TCEA1: variants seen among roughly 807,000 people sequenced by gnomAD.
TCEA1 encodes the protein transcription elongation factor A1.
In TCEA1, 21 loss-of-function variants were observed where a neutral mutation model predicts 43.8. That is an observed-to-expected ratio of 0.48 (90% CI 0.34 to 0.69). The LOEUF is 0.69. Among genes scored for constraint, TCEA1 ranks in the 30% least tolerant of loss-of-function variants. TCEA1 has a pLI of 0.01. For missense variants in TCEA1, 250 were observed against 365.1 expected, an observed-to-expected ratio of 0.68 and a Z score of 2.57; for synonymous variants, 104 against 117.5, an observed-to-expected ratio of 0.88 and a Z score of 0.75.
chr8:54,018,445 C>A (rs1244368836), intron 1 of TCEA1, among the ~76,000 whole-genome samples: 2 of 152,172 alleles, frequency 1.3e-5, no homozygotes, highest in African/African-American at 4.8e-5. Flanking sequence ...ACACTAGAAG[C>A]ATTTTATATT....
chr8:54,007,966 G>A (rs1169350220), intron 2 of TCEA1, among the ~76,000 whole-genome samples: 3 of 151,686 alleles, frequency 2.0e-5, no homozygotes, highest in Non-Finnish European at 4.4e-5. Context: ...TGGATCACCC[G>A]AGGTCAGGAG....
Position 54,010,512 on chromosome 8 carries a change from C to T in TCEA1, c.64-20G>A, listed in dbSNP as rs770564233. 3 of 1,559,726 alleles carry T rather than the reference C, an allele frequency of 1.9e-6. No homozygotes were observed. In the South Asian group the frequency reaches 3.6e-5, roughly 19 times the overall value. On this transcript the variant is annotated intron_variant, in intron 1 of 9. Transcript: ENST00000521604. The stretch of plus-strand genomic sequence containing the variant: ...TCCAGCCTATAAAATAAAATAATTT[C>T]ATATTGAATTCCCAAGATGGTAAAA...
intron 4 of TCEA1, among the ~76,000 whole-genome samples, chr8:53,989,791 A>G (rs1412164364): frequency 1.3e-5 from 2 of 152,138 alleles, no homozygotes; most frequent in South Asian, 2.1e-4. Context: ...ACTGAGCAAG[A>G]CTTTTCACAG....
At chr8:53,970,239 A>G (rs1460345211) in intron 9 of TCEA1, 153 bp downstream of exon 9, 2 of 712,512 alleles carry the variant, frequency 2.8e-6, no homozygotes, top group South Asian at 3.1e-5. Flanking sequence ...ACAAGATGGT[A>G]TATTCCATTA....
At chr8:53,999,120 C>G (rs561340495) in intron 3 of TCEA1, among the ~76,000 whole-genome samples, 1 of 148,176 alleles carries the variant, frequency 6.7e-6, no homozygotes, top group Admixed American at 6.9e-5. Flanking sequence ...CCCAGCTACT[C>G]GGGAGGCTGA....
At chr8:53,976,376 T>C (rs1235213889) in intron 8 of TCEA1, among the ~76,000 whole-genome samples, 4 of 152,210 alleles carry the variant, frequency 2.6e-5, no homozygotes, top group Admixed American at 1.3e-4. Context: ...TTAATTCTGA[T>C]ATCCAGGGCC....
intron 1 of TCEA1, among the ~76,000 whole-genome samples, chr8:54,013,447 G>A (rs1401472132): frequency 1.3e-5 from 2 of 152,076 alleles, no homozygotes; most frequent in Non-Finnish European, 2.9e-5. Flanking sequence ...GGAGACCGAG[G>A]TGGGAGGATC....
At chr8:53,976,632 A>AT (rs1210757485) in intron 8 of TCEA1, among the ~76,000 whole-genome samples, 1 of 152,150 alleles carries the variant, frequency 6.6e-6, no homozygotes, top group East Asian at 1.9e-4. Flanking sequence ...GCTATTTATA[A>AT]TTTGATTATG....
chr8:53,982,524 C>T (rs1803544518), intron 7 of TCEA1, among the ~76,000 whole-genome samples: 1 of 148,880 alleles, frequency 6.7e-6, no homozygotes, highest in African/African-American at 2.5e-5. Flanking sequence ...AGGAGAATCG[C>T]TTGAACCCAG....
chr8:53,990,366 T>C (rs1232898592), intron 4 of TCEA1, among the ~76,000 whole-genome samples: 38 of 150,718 alleles, frequency 2.5e-4, no homozygotes, highest in African/African-American at 9.3e-4. Context: ...TTTTCTTTTT[T>C]TTTTTTTTTT....
intron 3 of TCEA1, among the ~76,000 whole-genome samples, chr8:53,997,075 T>A (rs948431337): frequency 6.6e-6 from 1 of 151,864 alleles, no homozygotes; most frequent in Admixed American, 6.6e-5. Flanking sequence ...TCAGCTAATT[T>A]TTTTGTATTT....
Position 54,022,379 on chromosome 8 carries a change from G to C in TCEA1, c.-254C>G, listed in dbSNP as rs973627782. Reference sequence around the variant, plus strand: ...AGGCGCTACCAACTGACTGCAGATCGCTGGTGAGGGGCGAGCCCATGTTCC... The same window carrying C: ...AGGCGCTACCAACTGACTGCAGATCCCTGGTGAGGGGCGAGCCCATGTTCC... On this transcript the variant is annotated 5_prime_UTR_variant, in exon 1 of 10. Coordinates refer to ENST00000521604, the MANE Select transcript of TCEA1 (RefSeq NM_006756.4). 1 of 535,080 alleles carries C rather than the reference G, an allele frequency of 1.9e-6. No homozygotes were observed. Among genetic ancestry groups the C allele is most frequent in the African/African-American group, 2.0e-5 (1 of 49,102 alleles). The allele number at this position is 535,080 out of a possible 1,614,324, so 33.1% of individuals were successfully genotyped here. A position where few individuals can be genotyped will look rare whatever the true frequency, so the allele number is the denominator to read the frequency against.
intron 3 of TCEA1, 63 bp from the exon 4 acceptor site, chr8:53,993,818 G>A (rs577344849): frequency 9.9e-5 from 128 of 1,290,418 alleles, no homozygotes; most frequent in Non-Finnish European, 1.4e-4. Flanking sequence ...AAAATACTGC[G>A]TTAACAGGCT....
At chr8:54,003,882 C>T (rs980346278) in intron 2 of TCEA1, among the ~76,000 whole-genome samples, 6 of 151,000 alleles carry the variant, frequency 4.0e-5, no homozygotes, top group African/African-American at 1.2e-4. Flanking sequence ...TTTGCAAACT[C>T]TATGTCTGAT....
intron 8 of TCEA1, chr8:53,973,035 G>A (rs1803211492): frequency 7.4e-6 from 5 of 674,322 alleles, no homozygotes; most frequent in Non-Finnish European, 1.4e-5. Flanking sequence ...TCAACAGGAA[G>A]CTTAAAAGGA....
intron 8 of TCEA1, among the ~76,000 whole-genome samples, chr8:53,975,426 G>C (rs1451902036): frequency 1.3e-5 from 2 of 152,156 alleles, no homozygotes; most frequent in Non-Finnish European, 2.9e-5. Flanking sequence ...GAGTCTCAAA[G>C]AGGTATCTGT....
chr8:53,976,275 A>AG (rs1256438255), intron 8 of TCEA1, among the ~76,000 whole-genome samples: 1 of 152,208 alleles, frequency 6.6e-6, no homozygotes, highest in Non-Finnish European at 1.5e-5. Flanking sequence ...AGGAAGACAA[A>AG]GCAGCACCAT....
In TCEA1 at chr8:53,970,452, A is replaced by C. The variant is rs1276270390; in HGVS notation, c.837T>G (p.Arg279=). 6.2e-7 allele frequency: 1 copy of C among 1,606,424 alleles called. No individual in the cohort carries two copies. The highest frequency in any genetic ancestry group is 1.3e-5 in the African/African-American group (1 of 74,744). ...KNCTYTQVQT[R]SADEPMTTFV... ...ATGTTGTCATTGGTTCATCAGCACTACGGGTTTGTACCTGCAGCAAAATTA... is the reference window on the plus strand; with the variant it reads ...ATGTTGTCATTGGTTCATCAGCACTCCGGGTTTGTACCTGCAGCAAAATTA... The change falls in exon 9 of 10, where the codon CGT becomes CGG. Residue 279 remains arginine (R), a synonymous_variant. Coordinates refer to ENST00000521604, the MANE Select transcript of TCEA1 (RefSeq NM_006756.4).
chr8:54,015,988 A>T (rs937932806), intron 1 of TCEA1, among the ~76,000 whole-genome samples: 3 of 152,214 alleles, frequency 2.0e-5, no homozygotes, highest in African/African-American at 7.2e-5. Context: ...ATACCACTTT[A>T]CACCCACTAG....
Sources: gnomAD v4.1 joint callset for allele counts (sites outside exome capture counted in the v4.1 genomes callset) on GRCh38, gnomAD v4.1.1 for gene constraint, MANE v1.5 for transcripts, NCBI Gene and HGNC (gene_info 2026-07-23, HGNC 2026-07-21) for gene names.